The following EVI5 variants were observed in gnomAD, a reference collection of about 807,000 sequenced individuals.
EVI5 encodes the protein ecotropic viral integration site 5 protein homolog.
A neutral mutation model predicts 112.0 loss-of-function variants in EVI5; 73 were observed. The ratio of observed to expected loss-of-function variants is 0.65; its 90% CI spans 0.54 to 0.79. The LOEUF is 0.79. Among genes scored for constraint, EVI5 ranks in the 30% least tolerant of loss-of-function variants. EVI5 has a pLI of 0.00. For synonymous variants in EVI5, 305 were observed against 319.9 expected, an observed-to-expected ratio of 0.95 and a Z score of 0.50; for missense variants, 900 against 968.8, an observed-to-expected ratio of 0.93 and a Z score of 0.94.
At chr1:92,780,434 T>G (rs1218940827) in intron 1 of EVI5, among the ~76,000 whole-genome samples, 1 of 110,312 alleles carries the variant, frequency 9.1e-6, no homozygotes, top group Non-Finnish European at 2.0e-5. Flanking sequence ...AAGCAGCCCC[T>G]GCCCACAGCC....
At chr1:92,637,717 T>C (rs191712840) in intron 13 of EVI5, among the ~76,000 whole-genome samples, 45 of 152,310 alleles carry the variant, frequency 3.0e-4, no homozygotes, top group Non-Finnish European at 4.4e-4. Flanking sequence ...TGAACTAGCA[T>C]GAATAAAGCA....
At position 92,508,930 on chromosome 1, in the gene EVI5, A is replaced by AT. The variant is rs1659024215; in HGVS notation, c.*4725dup. 1 of 152,244 alleles carries AT rather than the reference A, an allele frequency of 6.6e-6. No homozygotes were observed. The highest frequency in any genetic ancestry group is 1.5e-5 in the Non-Finnish European group (1 of 68,046). The allele number at this position is 152,244 out of a possible 1,614,324, so 9.4% of individuals were successfully genotyped here. A position where few individuals can be genotyped will look rare whatever the true frequency, so the allele number is the denominator to read the frequency against. On this transcript the variant is annotated 3_prime_UTR_variant, in exon 20 of 20. Transcript: ENST00000684568. ...ACTTGGATCATAAATAGCATCCACT[A>AT]TACCTTTAACCAGAAATTAAACTTC... is the stretch of plus-strand genomic sequence containing the variant.
chr1:92,557,693 T>C (rs1667892061), intron 19 of EVI5, among the ~76,000 whole-genome samples: 1 of 152,032 alleles, frequency 6.6e-6, no homozygotes. Flanking sequence ...CATCCATTGT[T>C]CTCTGACAAA....
Position 92,636,352 on chromosome 1 carries a change from A to T in EVI5, c.1393-16T>A. ...TGCATTTATGCTAAAGGTTACAGAC[A>T]TACACTGAAATTTCATGAAAGTATA... On this transcript the variant is annotated splice_polypyrimidine_tract_variant and intron_variant, in intron 13 of 19. Transcript: ENST00000684568. 1 of 1,606,760 alleles carries T rather than the reference A, an allele frequency of 6.2e-7. No individual in the cohort carries two copies.
chr1:92,582,153 G>A (rs1020907708), intron 18 of EVI5, among the ~76,000 whole-genome samples: 3 of 152,138 alleles, frequency 2.0e-5, no homozygotes, highest in African/African-American at 2.4e-5. Flanking sequence ...GCATGTTACC[G>A]TATGGAATAC....
At chr1:92,564,794 C>T (rs1045838650) in intron 18 of EVI5, among the ~76,000 whole-genome samples, 15 of 151,686 alleles carry the variant, frequency 9.9e-5, no homozygotes, top group Non-Finnish European at 4.4e-5. Context: ...ATTCTCCTGC[C>T]TCAGCCTCCT....
chr1:92,552,102 A>G (rs1667031001), intron 19 of EVI5, among the ~76,000 whole-genome samples: 1 of 137,838 alleles, frequency 7.3e-6, no homozygotes, highest in African/African-American at 2.8e-5. Context: ...GATGTGTTCG[A>G]GGACTAATGG....
At position 92,662,021 on chromosome 1, in the gene EVI5, T is replaced by TTAA. The variant is rs1664101826; in HGVS notation, c.1392+697_1392+698insTTA. Among the ~76,000 whole-genome samples the TTAA allele has an allele frequency of 2.6e-5, 4 of 151,886 alleles. 1 individual carries two copies. The South Asian group carries it at 8.3e-4, about 31-fold the overall frequency. On this transcript the variant is annotated intron_variant, in intron 13 of 19. Coordinates refer to ENST00000684568, the MANE Select transcript of EVI5 (RefSeq NM_001350197.2). ...GATCGCCCTTGTCTGAATTTGCCAA[T>TTAA]GGAAAATGTCTAAGCTGCAAAAGAT...
At chr1:92,623,740 A>G (rs1571945980) in intron 16 of EVI5, among the ~76,000 whole-genome samples, 1 of 152,194 alleles carries the variant, frequency 6.6e-6, no homozygotes. Flanking sequence ...GGTCATCGCA[A>G]CCTGAGGTAG....
chr1:92,549,582 T>A (rs1666425012), intron 19 of EVI5, among the ~76,000 whole-genome samples: 1 of 151,460 alleles, frequency 6.6e-6, no homozygotes, highest in South Asian at 2.1e-4. Flanking sequence ...TGGGAGAAAA[T>A]TTTCGCAACC....
At chr1:92,781,953 TCA>T (rs1491388893) in intron 1 of EVI5, among the ~76,000 whole-genome samples, 122 of 44,254 alleles carry the variant, frequency 2.8e-3, no homozygotes, top group Middle Eastern at 0.015. Context: ...AGATTCTGTC[TCA>T]AAAAAAAAAA....
intron 14 of EVI5, among the ~76,000 whole-genome samples, chr1:92,632,248 T>G (rs907475426): frequency 1.3e-5 from 2 of 152,166 alleles, no homozygotes; most frequent in African/African-American, 4.8e-5. Flanking sequence ...ATAGTTTCAG[T>G]AGGTATGGTA....
chr1:92,679,477 C>T (rs1318198105), intron 9 of EVI5, among the ~76,000 whole-genome samples: 1 of 151,966 alleles, frequency 6.6e-6, no homozygotes, highest in South Asian at 2.1e-4. Flanking sequence ...CATTTATACA[C>T]CTAAAAATAA....
chr1:92,676,572 T>C (rs1666780559), intron 10 of EVI5, among the ~76,000 whole-genome samples: 1 of 152,162 alleles, frequency 6.6e-6, no homozygotes, highest in East Asian at 1.9e-4. Flanking sequence ...CCACAGACCC[T>C]CACCTCAAGA....
At chr1:92,674,114 A>C (rs1405523025) in intron 10 of EVI5, among the ~76,000 whole-genome samples, 1 of 152,160 alleles carries the variant, frequency 6.6e-6, no homozygotes, top group Non-Finnish European at 1.5e-5. Flanking sequence ...TGTAAAAGAG[A>C]CTTTTGCGGG....
At position 92,514,085 on chromosome 1, in the gene EVI5, T is replaced by A. The variant is rs1473569405; in HGVS notation, c.2167-115A>T. On this transcript the variant is annotated intron_variant, in intron 19 of 19. Coordinates refer to ENST00000684568, the MANE Select transcript of EVI5 (RefSeq NM_001350197.2). ...GCCTTATTATTTTTCTATTTACAGG[T>A]ATAATCATAGTTACTAATTTTTGAG... The A allele has an allele frequency of 1.0e-5, 6 of 602,336 alleles. No homozygotes were observed. In the Admixed American group the frequency reaches 1.7e-4, roughly 17 times the overall value. The allele number at this position is 602,336 out of a possible 1,614,324, so 37.3% of individuals were successfully genotyped here. A position where few individuals can be genotyped will look rare whatever the true frequency, so the allele number is the denominator to read the frequency against.
chr1:92,782,130 A>G (rs918677066), intron 1 of EVI5, among the ~76,000 whole-genome samples: 2 of 151,682 alleles, frequency 1.3e-5, no homozygotes, highest in Admixed American at 6.6e-5. Context: ...ATGGTGGCAC[A>G]CACCTATAGT....
chr1:92,549,765 T>C (rs888393948), intron 19 of EVI5, among the ~76,000 whole-genome samples: 1 of 152,162 alleles, frequency 6.6e-6, no homozygotes, highest in African/African-American at 2.4e-5. Context: ...TCATCACTGG[T>C]CATCAGAGAA....
At chr1:92,660,296 ATTATG>A (rs1206646298) in intron 13 of EVI5, among the ~76,000 whole-genome samples, 1 of 152,042 alleles carries the variant, frequency 6.6e-6, no homozygotes, top group Admixed American at 6.6e-5. Context: ...CCTGGAGGAC[ATTATG>A]TTAAGTGAAA....
Sources: allele counts gnomAD v4.1 joint callset (sites outside exome capture counted in the v4.1 genomes callset), GRCh38; gene constraint gnomAD v4.1.1; transcripts MANE v1.5; gene names NCBI Gene and HGNC (gene_info 2026-07-23, HGNC 2026-07-21).